Variants in KDM4C observed in about 807,000 individuals in gnomAD.
KDM4C encodes the protein lysine-specific demethylase 4C.
KDM4C carries 81 observed loss-of-function variants against 129.3 expected under a neutral mutation model. The observed-to-expected ratio is 0.63, with a 90% CI of 0.52 to 0.75. KDM4C has a LOEUF of 0.75. Ranked by LOEUF, KDM4C falls within the 30% of genes least tolerant of loss-of-function variation. The pLI, the probability that KDM4C is intolerant of heterozygous loss-of-function variation, is 0.00. For synonymous variants in KDM4C, 573 were observed against 456.1 expected (o/e 1.26, Z -3.26); for missense variants, 1,457 against 1,304.0 (o/e 1.12, Z -1.81).
intron 4 of KDM4C, among the ~76,000 whole-genome samples, chr9:6,829,566 G>T (rs867010536): frequency 1.3e-5 from 2 of 152,224 alleles, no homozygotes; most frequent in Non-Finnish European, 2.9e-5. Context: ...AGGAAGCTCA[G>T]ACTGAATGTT....
chr9:6,929,153 A>T (rs949585177), intron 8 of KDM4C, among the ~76,000 whole-genome samples: 1 of 152,158 alleles, frequency 6.6e-6, no homozygotes, highest in African/African-American at 2.4e-5. Flanking sequence ...CTACAGTGAA[A>T]TTCTTAGTTA....
At chr9:7,060,432 A>G (rs889085894) in intron 17 of KDM4C, among the ~76,000 whole-genome samples, 19 of 149,182 alleles carry the variant, frequency 1.3e-4, no homozygotes, top group African/African-American at 4.4e-4. Context: ...TAAATCAGGG[A>G]TGACTTTTTA....
intron 8 of KDM4C, among the ~76,000 whole-genome samples, chr9:6,901,810 A>C (rs1026752359): frequency 6.6e-6 from 1 of 152,192 alleles, no homozygotes; most frequent in Non-Finnish European, 1.5e-5. Flanking sequence ...TTTAGCACCT[A>C]TTATTTGGTG....
intron 21 of KDM4C, chr9:7,170,432 A>T: frequency 2.0e-6 from 2 of 988,360 alleles, no homozygotes; most frequent in Non-Finnish European, 2.4e-6. Flanking sequence ...TAGTTGTGGG[A>T]ATACTAAAGC....
At chr9:6,723,628 C>G (rs1210213977) in intron 1 of KDM4C, 1 of 82,442 alleles carries the variant, frequency 1.2e-5, no homozygotes, top group African/African-American at 5.1e-5. Context: ...GAGACTCCAT[C>G]TCAAAAAAAA....
intron 17 of KDM4C, among the ~76,000 whole-genome samples, chr9:7,068,085 C>T (rs111784043): frequency 9.9e-5 from 15 of 152,234 alleles, no homozygotes; most frequent in South Asian, 6.2e-4. Flanking sequence ...CGTGAGCCAC[C>T]GCACCCAGCT....
intron 15 of KDM4C, among the ~76,000 whole-genome samples, chr9:7,016,206 C>T (rs1823639388): frequency 6.6e-6 from 1 of 151,746 alleles, no homozygotes; most frequent in African/African-American, 2.4e-5. Flanking sequence ...TGGCTCACTG[C>T]AAGCTCCACC....
At chr9:6,723,630 CAAAAA>C (rs4008336) in intron 1 of KDM4C, 2 of 112,126 alleles carry the variant, frequency 1.8e-5, no homozygotes, top group African/African-American at 3.2e-5. Flanking sequence ...GACTCCATCT[CAAAAA>C]AAAAAAAAAA....
At chr9:7,139,769 T>C in intron 19 of KDM4C, among the ~76,000 whole-genome samples, 1 of 152,230 alleles carries the variant, frequency 6.6e-6, no homozygotes, top group Non-Finnish European at 1.5e-5. Context: ...GCTGGAACTT[T>C]ATCTCATATC....
At chr9:6,864,697 G>C (rs2130528724) in intron 5 of KDM4C, among the ~76,000 whole-genome samples, 1 of 151,394 alleles carries the variant, frequency 6.6e-6, no homozygotes, top group South Asian at 2.1e-4. Flanking sequence ...GTTTTCTGTT[G>C]TTATTTCTTT....
At chr9:6,906,238 A>G (rs1400301096) in intron 8 of KDM4C, among the ~76,000 whole-genome samples, 1 of 152,156 alleles carries the variant, frequency 6.6e-6, no homozygotes, top group Admixed American at 6.5e-5. Context: ...ACTGATGGAC[A>G]TGATTGCAGA....
intron 12 of KDM4C, among the ~76,000 whole-genome samples, chr9:6,995,904 G>A (rs1209860914): frequency 8.6e-5 from 13 of 151,684 alleles, no homozygotes; most frequent in East Asian, 3.9e-4. Flanking sequence ...ATCTGACCTC[G>A]TGATCTGCCC....
At chr9:6,948,692 G>T (rs953958408) in intron 8 of KDM4C, among the ~76,000 whole-genome samples, 1 of 151,696 alleles carries the variant, frequency 6.6e-6, no homozygotes, top group Admixed American at 6.6e-5. Context: ...GACTCTTAAC[G>T]AGCATGCTGC....
intron 18 of KDM4C, among the ~76,000 whole-genome samples, chr9:7,127,022 TA>T (rs1296505047): frequency 2.0e-5 from 3 of 151,970 alleles, no homozygotes; most frequent in African/African-American, 7.2e-5. Flanking sequence ...AATGGGTGGA[TA>T]GAAGGAAAGA....
intron 8 of KDM4C, among the ~76,000 whole-genome samples, chr9:6,927,863 G>T (rs1238199361): frequency 6.6e-6 from 1 of 152,044 alleles, no homozygotes; most frequent in Non-Finnish European, 1.5e-5. Context: ...TTTTGATCTG[G>T]CTGTTCCACT....
chr9:7,043,617 T>G (rs1167898077), intron 15 of KDM4C, among the ~76,000 whole-genome samples: 2 of 152,120 alleles, frequency 1.3e-5, no homozygotes, highest in East Asian at 1.9e-4. Context: ...ATCAACTAGT[T>G]TGACCCTCTG....
At position 6,998,876 on chromosome 9, in the gene KDM4C, C is replaced by CTT. The variant is rs1257870194; in HGVS notation, c.1786+8352_1786+8353insTT. 2.9e-3 allele frequency among the ~76,000 whole-genome samples: 440 copies of CTT among 152,242 alleles called. 3 individuals carry two copies. Among genetic ancestry groups the CTT allele is most frequent in the African/African-American group, 0.01 (418 of 41,544 alleles). ...TATAACAATTGAATACTAAAGTGGT[C>CTT]CTATGTGTGTTTTCCCAGGACTAGA... On this transcript the variant is annotated intron_variant, in intron 12 of 21. Transcript: ENST00000381309.
chr9:6,855,672 C>A (rs1045837202), intron 5 of KDM4C, among the ~76,000 whole-genome samples: 3 of 152,068 alleles, frequency 2.0e-5, no homozygotes, highest in African/African-American at 7.2e-5. Flanking sequence ...TTCTCCTCTC[C>A]ATTCCTTCTT....
Position 7,167,901 on chromosome 9 carries a change from G to T in KDM4C, c.2902-1897G>T, listed in dbSNP as rs557071873. On this transcript the variant is annotated intron_variant, in intron 20 of 21. Coordinates refer to ENST00000381309, the MANE Select transcript of KDM4C (RefSeq NM_015061.6). The stretch of plus-strand genomic sequence containing the variant: ...TTCTGTGAATTAAACAATAAGTGTA[G>T]CTGGGCACAGTGGCTCATGCCTGTA... Among the ~76,000 whole-genome samples, 175 of 152,330 alleles carry T rather than the reference G, an allele frequency of 1.1e-3. 3 individuals are homozygous for T. In the South Asian group the frequency reaches 0.034, roughly 29 times the overall value.
Sources: gnomAD v4.1 joint callset for allele counts (sites outside exome capture counted in the v4.1 genomes callset) on GRCh38, gnomAD v4.1.1 for gene constraint, MANE v1.5 for transcripts, NCBI Gene and HGNC (gene_info 2026-07-23, HGNC 2026-07-21) for gene names.